The following RFX2 variants were observed in gnomAD, a reference collection of about 807,000 sequenced individuals.
RFX2 encodes the protein regulatory factor X2.
A neutral mutation model predicts 87.8 loss-of-function variants in RFX2; 20 were observed. The observed-to-expected ratio is 0.23, with a 90% CI of 0.16 to 0.33. RFX2 has a LOEUF of 0.33. Among genes scored for constraint, RFX2 ranks in the 10% least tolerant of loss-of-function variants. RFX2 has a pLI of 1.00. For synonymous variants in RFX2, 397 were observed against 431.3 expected (o/e 0.92, Z 0.98); for missense variants, 767 against 1,012.3 (o/e 0.76, Z 3.29).
At chr19:6,077,837 G>A (rs543855829) in intron 1 of RFX2, among the ~76,000 whole-genome samples, 10 of 152,112 alleles carry the variant, frequency 6.6e-5, no homozygotes, top group Admixed American at 3.3e-4. Flanking sequence ...AAAATTAGCC[G>A]GGCGTGGTGG....
chr19:6,006,564 C>T (rs1318466536), intron 12 of RFX2, among the ~76,000 whole-genome samples: 1 of 150,012 alleles, frequency 6.7e-6, no homozygotes, highest in Non-Finnish European at 1.5e-5. Context: ...ATTCTCCTGG[C>T]TCGGCCTCCC....
intron 1 of RFX2, among the ~76,000 whole-genome samples, chr19:6,097,429 C>G (rs149275805): frequency 9.0e-4 from 137 of 152,160 alleles, no homozygotes; most frequent in African/African-American, 3.1e-3. Context: ...GCTACCTGCC[C>G]AAAGGACTGA....
chr19:6,102,072 T>G (rs10411604), intron 1 of RFX2, among the ~76,000 whole-genome samples: 25,351 of 152,172 alleles, frequency 0.17, 6,140 homozygotes, highest in African/African-American at 0.54. Flanking sequence ...ACTTATATAG[T>G]GTATAGTCAT....
At position 6,040,382 on chromosome 19, in the gene RFX2, T is replaced by C. The variant is rs2087091265; in HGVS notation, c.261-141A>G. On this transcript the variant is annotated intron_variant, in intron 4 of 17. Coordinates refer to ENST00000303657, the MANE Select transcript of RFX2 (RefSeq NM_000635.4). The surrounding 1 kb of genome is among the most constrained non-coding windows in gnomAD (Gnocchi z 6.1). ...TATGGAGCAATTCGGACGTGGCATATGACACTCAAATGCAGCGCAAGTTCA... is the reference window on the plus strand; with the variant it reads ...TATGGAGCAATTCGGACGTGGCATACGACACTCAAATGCAGCGCAAGTTCA... 11 of 815,112 alleles carry C rather than the reference T, an allele frequency of 1.3e-5. No homozygotes were observed. The highest frequency in any genetic ancestry group is 8.6e-5 in the Admixed American group (3 of 35,076). The allele number at this position is 815,112 out of a possible 1,614,324, so 50.5% of individuals were successfully genotyped here.
intron 1 of RFX2, among the ~76,000 whole-genome samples, chr19:6,086,167 G>A (rs1250371749): frequency 6.7e-6 from 1 of 150,284 alleles, no homozygotes; most frequent in African/African-American, 2.5e-5. Context: ...AGTTTTCCCA[G>A]CATCATTTAT....
At chr19:6,082,149 G>A (rs2087793816) in intron 1 of RFX2, among the ~76,000 whole-genome samples, 1 of 151,928 alleles carries the variant, frequency 6.6e-6, no homozygotes, top group Non-Finnish European at 1.5e-5. Flanking sequence ...GGGTGTGGTG[G>A]TGCACACCTG....
At position 6,007,154 on chromosome 19, in the gene RFX2, G is replaced by T; in HGVS notation, c.1260C>A (p.Pro420=). Residue 420 remains proline (P), a synonymous_variant, in exon 12 of 18, where the codon CCC becomes CCA. Coordinates refer to ENST00000303657, the MANE Select transcript of RFX2 (RefSeq NM_000635.4). This position sits in a 1 kb window ranked among gnomAD's most constrained non-coding sequence, Gnocchi z 8.2. ...TGTCCTTGGGCAGGACGGCGCCCTCGGGGTCTTCGTCACTGTGGAGGGAGG... is the reference window on the plus strand; with the variant it reads ...TGTCCTTGGGCAGGACGGCGCCCTCTGGGTCTTCGTCACTGTGGAGGGAGG... ...PTSLPASDED[P]EGAVLPKDKL... is the part of the protein sequence containing the mutation. The T allele has an allele frequency of 6.2e-7, 1 of 1,613,702 alleles. No homozygotes were observed.
At chr19:6,076,587 T>G (rs1202594753) in intron 1 of RFX2, among the ~76,000 whole-genome samples, 1 of 152,160 alleles carries the variant, frequency 6.6e-6, no homozygotes, top group East Asian at 1.9e-4. Context: ...GTTGGGTGGT[T>G]GTGTTAAATG....
At position 5,998,545 on chromosome 19, in the gene RFX2, G is replaced by A. The variant is rs192938139; in HGVS notation, c.1860-1332C>T. 3.9e-3 allele frequency among the ~76,000 whole-genome samples: 598 copies of A among 152,302 alleles called. 4 individuals carry two copies. Among genetic ancestry groups the A allele is most frequent in the South Asian group, 2.3e-3 (11 of 4,824 alleles). ...CAGCCGCACTATGAAGACCACCAAA[G>A]CTGTCTATCCTTAAGTGTCAAGCAT... On this transcript the variant is annotated intron_variant, in intron 15 of 17. Coordinates refer to ENST00000303657, the MANE Select transcript of RFX2 (RefSeq NM_000635.4). This position sits in a 1 kb window ranked among gnomAD's most constrained non-coding sequence, Gnocchi z 4.2.
At chr19:6,032,101 A>C (rs1429948828) in intron 5 of RFX2, among the ~76,000 whole-genome samples, 1 of 152,060 alleles carries the variant, frequency 6.6e-6, no homozygotes, top group Non-Finnish European at 1.5e-5. Context: ...CTTTATAGAG[A>C]ATGCAGATTG....
At position 6,007,685 on chromosome 19, in the gene RFX2, G is replaced by C; in HGVS notation, c.1247+5C>G. ...CTGTGAACCCAGCCAGGGTGTGGCA[G>C]TCACCTGGCAGGAAGAGAGGTGGGG... On this transcript the variant is annotated splice_donor_5th_base_variant and intron_variant, in intron 11 of 17. Transcript: ENST00000303657. The surrounding 1 kb of genome is among the most constrained non-coding windows in gnomAD (Gnocchi z 8.2). The C allele has an allele frequency of 6.5e-7, 1 of 1,527,216 alleles. No homozygotes were observed. Among genetic ancestry groups the C allele is most frequent in the Non-Finnish European group, 8.9e-7 (1 of 1,124,376 alleles). 94.6% of individuals were successfully genotyped at this position (1,527,216 alleles called of 1,614,324 possible). A position where few individuals can be genotyped will look rare whatever the true frequency, so the allele number is the denominator to read the frequency against.
intron 1 of RFX2, among the ~76,000 whole-genome samples, chr19:6,052,026 C>T (rs774469845): frequency 1.3e-5 from 2 of 152,076 alleles, no homozygotes; most frequent in South Asian, 2.1e-4. Flanking sequence ...TACAGGTGCC[C>T]GCCATCACAC....
intron 1 of RFX2, among the ~76,000 whole-genome samples, chr19:6,071,569 C>T (rs925797794): frequency 1.3e-5 from 2 of 152,178 alleles, no homozygotes; most frequent in African/African-American, 4.8e-5. Flanking sequence ...CAAATGCCAC[C>T]ATCCAACCCA....
chr19:6,007,056 G>A lies in RFX2; in HGVS notation c.1358C>T (p.Ala453Val), dbSNP rs2086592736. 2 of 1,614,124 alleles carry A rather than the reference G, an allele frequency of 1.2e-6. No individual in the cohort carries two copies. Among genetic ancestry groups the A allele is most frequent in the Non-Finnish European group, 1.7e-6 (2 of 1,179,984 alleles). ...MRSCDHILYQ[A>V]LVEILIPDVL... is the part of the protein sequence containing the mutation. ...GTCGGGGATGAGAATCTCCACCAGCGCCTGGTAGAGGATGTGGTCGCAGCT... is the reference window on the plus strand; with the variant it reads ...GTCGGGGATGAGAATCTCCACCAGCACCTGGTAGAGGATGTGGTCGCAGCT... Residue 453 changes from alanine to valine, a missense_variant, in exon 12 of 18, where the codon GCG becomes GTG. Ala to Val is a moderately conservative substitution (Grantham distance 64). Around this residue, in one of 2 missense-constraint regions of RFX2, gnomAD observed 621 missense variants for 873.0 expected, o/e 0.71. Transcript: ENST00000303657. This position sits in a 1 kb window ranked among gnomAD's most constrained non-coding sequence, Gnocchi z 8.2.
At chr19:6,031,423 C>T (rs1599867680) in intron 5 of RFX2, among the ~76,000 whole-genome samples, 1 of 90,220 alleles carries the variant, frequency 1.1e-5, no homozygotes, top group Admixed American at 1.8e-4. Flanking sequence ...TTCTCCTTCC[C>T]TTTTTTTTTT....
At chr19:6,062,078 T>C (rs2087441817) in intron 1 of RFX2, among the ~76,000 whole-genome samples, 1 of 152,058 alleles carries the variant, frequency 6.6e-6, no homozygotes, top group African/African-American at 2.4e-5. Flanking sequence ...CAGAGGATTA[T>C]TGAGGTCAGG....
intron 1 of RFX2, chr19:6,072,944 T>C (rs538052264): frequency 5.2e-6 from 4 of 762,670 alleles, no homozygotes; most frequent in African/African-American, 1.7e-5. Flanking sequence ...CCCAGAGGTA[T>C]TGACAATAGG....
chr19:5,994,387 G>C lies in RFX2; in HGVS notation c.*448C>G, dbSNP rs2086374123. 1 of 155,626 alleles carries C rather than the reference G, an allele frequency of 6.4e-6. No individual in the cohort carries two copies. The highest frequency in any genetic ancestry group is 2.0e-4 in the South Asian group (1 of 5,106). The allele number at this position is 155,626 out of a possible 1,614,324, so 9.6% of individuals were successfully genotyped here. A position where few individuals can be genotyped will look rare whatever the true frequency, so the allele number is the denominator to read the frequency against. On this transcript the variant is annotated 3_prime_UTR_variant, in exon 18 of 18. Transcript: ENST00000303657. Reference sequence around the variant, plus strand: ...GCCTCCCCAGCGGTGGCAGGTAGGAGGGGAGAGGCCGTCCCTTTCTAGTCG... The same window carrying C: ...GCCTCCCCAGCGGTGGCAGGTAGGACGGGAGAGGCCGTCCCTTTCTAGTCG...
chr19:6,007,931 G>C lies in RFX2; in HGVS notation c.1135-129C>G. ...CTGGAATCCCAAGGGAGGCCACAGA[G>C]AGGAGAGGAGCAGGCGATGGACATG... On this transcript the variant is annotated intron_variant, in intron 10 of 17. Coordinates refer to ENST00000303657, the MANE Select transcript of RFX2 (RefSeq NM_000635.4). This position sits in a 1 kb window ranked among gnomAD's most constrained non-coding sequence, Gnocchi z 8.2. The C allele has an allele frequency of 1.3e-6, 1 of 796,620 alleles. No homozygotes were observed. The highest frequency in any genetic ancestry group is 2.1e-6 in the Non-Finnish European group (1 of 468,976). 49.3% of individuals were successfully genotyped at this position (796,620 alleles called of 1,614,324 possible). A position where few individuals can be genotyped will look rare whatever the true frequency, so the allele number is the denominator to read the frequency against.
Sources: allele counts gnomAD v4.1 joint callset (sites outside exome capture counted in the v4.1 genomes callset), GRCh38; gene constraint gnomAD v4.1.1; regional missense constraint gnomAD v4.1.1; non-coding constraint Gnocchi (gnomAD v3.1); transcripts MANE v1.5; gene names NCBI Gene and HGNC (gene_info 2026-07-23, HGNC 2026-07-21).